HNF4A: variants seen among roughly 807,000 people sequenced by gnomAD.
The protein encoded by HNF4A is hepatocyte nuclear factor 4 alpha.
HNF4A carries 15 observed loss-of-function variants against 52.4 expected under a neutral mutation model. The observed-to-expected ratio is 0.29, with a 90% CI of 0.19 to 0.44. HNF4A has a LOEUF of 0.44. Among genes scored for constraint, HNF4A ranks in the 20% least tolerant of loss-of-function variants. The pLI, the probability that HNF4A is intolerant of heterozygous loss-of-function variation, is 1.00. For synonymous variants in HNF4A, 280 were observed against 264.4 expected (o/e 1.06, Z -0.57); for missense variants, 479 against 647.2 (o/e 0.74, Z 2.82).
intron 3 of HNF4A, 114 bp from the exon 4 acceptor site, chr20:44,413,580 G>A: frequency 1.3e-6 from 1 of 752,794 alleles, no homozygotes; most frequent in Middle Eastern, 2.2e-4. Context: ...GCTGATGTGG[G>A]CCTGTTCTCT....
intron 1 of HNF4A, among the ~76,000 whole-genome samples, chr20:44,393,743 C>T (rs2063327660): frequency 1.3e-5 from 2 of 152,122 alleles, no homozygotes; most frequent in African/African-American, 4.8e-5. Context: ...ATTTCATTTT[C>T]ATGACAACCC....
At chr20:44,408,198 A>G (rs1417739795) in intron 3 of HNF4A, 1 of 157,032 alleles carries the variant, frequency 6.4e-6, no homozygotes, top group Non-Finnish European at 1.4e-5. Flanking sequence ...AGCCCAGCCC[A>G]TTGAACCTAT....
At chr20:44,365,702 A>G (rs138314426) in intron 1 of HNF4A, among the ~76,000 whole-genome samples, 174 of 152,286 alleles carry the variant, frequency 1.1e-3, no homozygotes, top group Admixed American at 2.7e-3. Flanking sequence ...CTAAAACAAT[A>G]AGTTATAACT....
At chr20:44,433,298 C>G (rs2063898252), downstream of HNF4A, 1 of 153,162 alleles carries the variant, frequency 6.5e-6, no homozygotes, top group African/African-American at 2.4e-5. Context: ...TCACCTCAAT[C>G]TGCCAGCAAT....
chr20:44,414,374 T>C, intron 4 of HNF4A, 133 bp from the exon 5 acceptor site: 1 of 1,304,682 alleles, frequency 7.7e-7, no homozygotes, highest in Non-Finnish European at 1.1e-6. Context: ...CTGAGCTTCC[T>C]TCAGAGCTGG....
chr20:44,374,709 C>T (rs979765517), intron 1 of HNF4A, among the ~76,000 whole-genome samples: 1 of 152,180 alleles, frequency 6.6e-6, no homozygotes, highest in African/African-American at 2.4e-5. Flanking sequence ...GGTGATCCGC[C>T]CGCCTCGGCC....
chr20:44,377,461 C>A (rs1033816765), intron 1 of HNF4A, among the ~76,000 whole-genome samples: 1 of 152,090 alleles, frequency 6.6e-6, no homozygotes, highest in African/African-American at 2.4e-5. Flanking sequence ...ACGGGCCAGG[C>A]AATGTTTAAA....
upstream of HNF4A, among the ~76,000 whole-genome samples, chr20:44,398,712 A>G (rs2063375399): frequency 6.6e-6 from 1 of 152,188 alleles, no homozygotes; most frequent in Non-Finnish European, 1.5e-5. Flanking sequence ...TGATTCATGT[A>G]TCTAATAGCT....
chr20:44,429,936 C>T lies in HNF4A; in HGVS notation c.*271C>T, dbSNP rs11574745. 6.2e-4 allele frequency: 307 copies of T among 498,938 alleles called. No individual in the cohort carries two copies. Among genetic ancestry groups the T allele is most frequent in the Non-Finnish European group, 9.5e-4 (264 of 278,172 alleles). 30.9% of individuals were successfully genotyped at this position (498,938 alleles called of 1,614,324 possible). ...GTTGAAGCCACTGCCTTCACCTTCA[C>T]CTTCATCCATGTCCAACCCCCGACT... is the stretch of plus-strand genomic sequence containing the variant. On this transcript the variant is annotated 3_prime_UTR_variant, in exon 10 of 10. Transcript: ENST00000316099.
At chr20:44,378,008 C>A (rs2063104567) in intron 1 of HNF4A, 1 of 152,178 alleles carries the variant, frequency 6.6e-6, no homozygotes, top group East Asian at 1.9e-4. Context: ...CTTCCACTTC[C>A]AACAATAGTT....
Position 44,414,522 on chromosome 20 carries a change from T to C in HNF4A, c.508T>C (p.Ser170Pro), listed in dbSNP as rs2063633839. The change falls in exon 5 of 10, where the codon TCC becomes CCC. Residue 170 changes from serine to proline, a missense_variant. Physicochemically the swap from Ser to Pro is moderately conservative, Grantham distance 74. Around this residue, in one of 3 missense-constraint regions of HNF4A, gnomAD observed 389 missense variants for 525.1 expected, o/e 0.74. Coordinates refer to ENST00000316099, the MANE Select transcript of HNF4A (RefSeq NM_000457.6). ...TCTCTCGAAGATCACCTCCCCCGTC[T>C]CCGGGATCAACGGCGACATTCGGGC... is the stretch of plus-strand genomic sequence containing the variant. 3 of 1,614,068 alleles carry C rather than the reference T, an allele frequency of 1.9e-6. No homozygotes were observed. The highest frequency in any genetic ancestry group is 2.7e-5 in the African/African-American group (2 of 74,926).
At chr20:44,402,742 G>A in intron 1 of HNF4A, 1 of 598,776 alleles carries the variant, frequency 1.7e-6, no homozygotes, top group South Asian at 1.6e-5. Flanking sequence ...AGCTGGCTGA[G>A]GTCAGCCTGC....
intron 6 of HNF4A, among the ~76,000 whole-genome samples, chr20:44,419,023 G>A (rs905963235): frequency 4.6e-5 from 7 of 152,098 alleles, no homozygotes; most frequent in Admixed American, 1.3e-4. Flanking sequence ...TAATCCACCC[G>A]CCTCAGTCTC....
At chr20:44,427,867 A>G (rs1185496628) in intron 8 of HNF4A, among the ~76,000 whole-genome samples, 3 of 152,216 alleles carry the variant, frequency 2.0e-5, no homozygotes, top group Non-Finnish European at 4.4e-5. Flanking sequence ...CAACGTGAGC[A>G]GAAGCATAGA....
At chr20:44,419,666 G>T in intron 6 of HNF4A, 55 bp from the exon 7 acceptor site, 1 of 1,577,128 alleles carries the variant, frequency 6.3e-7, no homozygotes, top group South Asian at 1.1e-5. Flanking sequence ...AAAACTAGAG[G>T]AGAGGGGTCA....
At chr20:44,357,729 A>C (rs1191223698) in intron 1 of HNF4A, among the ~76,000 whole-genome samples, 1 of 152,124 alleles carries the variant, frequency 6.6e-6, no homozygotes, top group African/African-American at 2.4e-5. Context: ...TGAATGGGTT[A>C]GTGAATGTTC....
intron 1 of HNF4A, among the ~76,000 whole-genome samples, chr20:44,378,206 A>G (rs2063106858): frequency 6.7e-6 from 1 of 150,004 alleles, no homozygotes; most frequent in South Asian, 2.1e-4. Context: ...CTATTGTATT[A>G]TTTACCTTTC....
chr20:44,379,549 T>C (rs1468987894), intron 1 of HNF4A, among the ~76,000 whole-genome samples: 1 of 151,994 alleles, frequency 6.6e-6, no homozygotes, highest in Non-Finnish European at 1.5e-5. Flanking sequence ...TTTGTTTGTT[T>C]GTTTGTCTTG....
At chr20:44,368,463 T>C (rs925299612) in intron 1 of HNF4A, among the ~76,000 whole-genome samples, 1 of 151,814 alleles carries the variant, frequency 6.6e-6, no homozygotes, top group African/African-American at 2.4e-5. Flanking sequence ...CACCAGGCCC[T>C]GCCAGGAAGA....
Sources: allele counts gnomAD v4.1 joint callset (sites outside exome capture counted in the v4.1 genomes callset), GRCh38; gene constraint gnomAD v4.1.1; regional missense constraint gnomAD v4.1.1; transcripts MANE v1.5; gene names NCBI Gene and HGNC (gene_info 2026-07-23, HGNC 2026-07-21).